Variants in SPDYE10 observed in about 807,000 individuals in gnomAD.
The protein encoded by SPDYE10 is speedy/RINGO cell cycle regulator family member E10, also known as speedy protein E10.
chr7:73,134,989 G>A, the SPDYE10 span, among the ~76,000 whole-genome samples: 16 of 152,302 alleles, frequency 1.1e-4, no homozygotes, highest in Non-Finnish European at 2.9e-5. Context: ...AGATAGGAGG[G>A]AAAGACTGAG....
At chr7:73,152,347 T>C in the SPDYE10 span, among the ~76,000 whole-genome samples, 2 of 144,948 alleles carry the variant, frequency 1.4e-5, no homozygotes, top group Non-Finnish European at 3.0e-5. Context: ...CTGAATTTTA[T>C]GCCTTCAGGC....
At chr7:73,113,680 G>A in the SPDYE10 span, among the ~76,000 whole-genome samples, 2 of 151,894 alleles carry the variant, frequency 1.3e-5, no homozygotes, top group Non-Finnish European at 2.9e-5. Flanking sequence ...GATCGCTTGA[G>A]GTCAGGAGTT....
the SPDYE10 span, among the ~76,000 whole-genome samples, chr7:73,123,791 C>CTCTCTCTCTG: frequency 8.1e-6 from 1 of 122,790 alleles, no homozygotes; most frequent in African/African-American, 3.4e-5. Context: ...CTCTCTCCCT[C>CTCTCTCTCTG]TCTCTCTCTC....
the SPDYE10 span, among the ~76,000 whole-genome samples, chr7:73,123,411 C>T: frequency 6.6e-6 from 1 of 152,180 alleles, no homozygotes; most frequent in Non-Finnish European, 1.5e-5. Flanking sequence ...GGTTTAAGCT[C>T]AATTGCCCAC....
the SPDYE10 span, among the ~76,000 whole-genome samples, chr7:73,122,964 G>A: frequency 6.6e-6 from 1 of 152,232 alleles, no homozygotes; most frequent in Non-Finnish European, 1.5e-5. Context: ...CTTGGGGAAA[G>A]GGGGGATCCA....
At chr7:73,134,417 T>G in the SPDYE10 span, among the ~76,000 whole-genome samples, 1 of 149,724 alleles carries the variant, frequency 6.7e-6, no homozygotes, top group East Asian at 1.9e-4. Flanking sequence ...ATATACCCAA[T>G]GTAAATGATG....
At chr7:73,147,973 A>AT in the SPDYE10 span, among the ~76,000 whole-genome samples, 243 of 138,542 alleles carry the variant, frequency 1.8e-3, no homozygotes, top group African/African-American at 4.3e-3. Context: ...TACCCAACTA[A>AT]TTTTTTTTTT....
At chr7:73,152,177 G>A in the SPDYE10 span, among the ~76,000 whole-genome samples, 1 of 136,774 alleles carries the variant, frequency 7.3e-6, no homozygotes, top group Non-Finnish European at 1.6e-5. Flanking sequence ...ACCATGCCTG[G>A]CTAATTTTTG....
At chr7:73,143,073 G>A in the SPDYE10 span, among the ~76,000 whole-genome samples, 1 of 151,068 alleles carries the variant, frequency 6.6e-6, no homozygotes, top group Middle Eastern at 3.5e-3. Context: ...AGCTTCCACA[G>A]CCACACCTTC....
At chr7:73,139,638 T>C in the SPDYE10 span, among the ~76,000 whole-genome samples, 13 of 150,992 alleles carry the variant, frequency 8.6e-5, no homozygotes, top group South Asian at 2.1e-3. Flanking sequence ...TTTGTTTTTG[T>C]TTGTTTGTTT....
At chr7:73,127,658 A>G in the SPDYE10 span, among the ~76,000 whole-genome samples, 4 of 108,684 alleles carry the variant, frequency 3.7e-5, no homozygotes, top group Non-Finnish European at 2.1e-5. Flanking sequence ...AAAAAAAAAC[A>G]GGCAAAGAAT....
chr7:73,154,981 C>T, the SPDYE10 span: 1 of 152,720 alleles, frequency 6.5e-6, no homozygotes, highest in South Asian at 1.8e-4. Flanking sequence ...CCGCGCGCCG[C>T]TGCTCCGCCG....
At chr7:73,137,593 T>TGAAAGAAAGAAAGAAAGAAA in the SPDYE10 span, among the ~76,000 whole-genome samples, 80 of 70,536 alleles carry the variant, frequency 1.1e-3, no homozygotes, top group Non-Finnish European at 1.6e-3. Context: ...AAAGAAGAGA[T>TGAAAGAAAGAAAGAAAGAAA]GAAAGAAAGA....
chr7:73,137,302 TC>T, the SPDYE10 span, among the ~76,000 whole-genome samples: 1 of 149,940 alleles, frequency 6.7e-6, no homozygotes, highest in South Asian at 2.1e-4. Flanking sequence ...GATCACGAGG[TC>T]AGGAGATTGA....
chr7:73,134,313 T>C, the SPDYE10 span, among the ~76,000 whole-genome samples: 1 of 136,744 alleles, frequency 7.3e-6, no homozygotes, highest in African/African-American at 2.9e-5. Context: ...TAGGTGGGAA[T>C]TGAACAATGA....
the SPDYE10 span, among the ~76,000 whole-genome samples, chr7:73,123,436 A>G: frequency 4.7e-4 from 71 of 152,266 alleles, no homozygotes; most frequent in African/African-American, 1.6e-3. Context: ...GTAACTGGTA[A>G]CTTCCTTGAT....
At chr7:73,154,990 C>CGCTCGGCCCCTCG in the SPDYE10 span, 1 of 155,262 alleles carries the variant, frequency 6.4e-6, no homozygotes, top group Admixed American at 6.6e-5. Context: ...GCTGCTCCGC[C>CGCTCGGCCCCTCG]GCTCGGCCCC....
the SPDYE10 span, among the ~76,000 whole-genome samples, chr7:73,147,163 CTTTTT>C: frequency 6.9e-6 from 1 of 144,832 alleles, no homozygotes; most frequent in African/African-American, 2.6e-5. Flanking sequence ...TTTTTCTTTT[CTTTTT>C]TTTTTTTTTC....
chr7:73,150,907 A>AAAATATATAT, the SPDYE10 span, among the ~76,000 whole-genome samples: 2 of 11,578 alleles, frequency 1.7e-4, no homozygotes, highest in Non-Finnish European at 2.8e-4. Flanking sequence ...AAAAAAAAAA[A>AAAATATATAT]ATATATATAT....
Sources: allele counts gnomAD v4.1 joint callset (sites outside exome capture counted in the v4.1 genomes callset), GRCh38; gene constraint gnomAD v4.1.1; transcripts MANE v1.5; gene names NCBI Gene and HGNC (gene_info 2026-07-23, HGNC 2026-07-21).